The following RNF180 variants were observed in gnomAD, a reference collection of about 807,000 sequenced individuals.
RNF180 encodes the protein ring finger protein 180.
In RNF180, 38 loss-of-function variants were observed where a neutral mutation model predicts 59.2. That is an observed-to-expected ratio of 0.64 (90% confidence interval 0.50 to 0.84). RNF180 has a LOEUF of 0.84. Ranked by LOEUF, RNF180 falls within the 40% of genes least tolerant of loss-of-function variation. The probability of loss-of-function intolerance (pLI) is 0.00; values close to 1 mark genes in which losing one functional copy is unlikely to be tolerated. For synonymous variants in RNF180, 262 were observed against 240.3 expected (o/e 1.09, Z -0.84); for missense variants, 705 against 700.9 (o/e 1.01, Z -0.07).
intron 7 of RNF180, among the ~76,000 whole-genome samples, chr5:64,342,128 C>G (rs1477459208): frequency 6.6e-6 from 1 of 152,080 alleles, no homozygotes; most frequent in Non-Finnish European, 1.5e-5. Context: ...GTGGGAATTT[C>G]TGCTTCTGAG....
intron 1 of RNF180, among the ~76,000 whole-genome samples, chr5:64,177,692 CTT>C (rs1750332639): frequency 6.6e-6 from 1 of 151,682 alleles, no homozygotes; most frequent in Non-Finnish European, 1.5e-5. Context: ...TAAAGCATAA[CTT>C]AGTAATGTTA....
chr5:64,329,761 A>G (rs1744815202), intron 6 of RNF180, among the ~76,000 whole-genome samples: 4 of 152,168 alleles, frequency 2.6e-5, no homozygotes, highest in Admixed American at 2.6e-4. Context: ...TCTTACAAGG[A>G]GTGTGCAACC....
chr5:64,286,237 T>C (rs1030087787), intron 5 of RNF180, among the ~76,000 whole-genome samples: 1 of 152,220 alleles, frequency 6.6e-6, no homozygotes, highest in Non-Finnish European at 1.5e-5. Context: ...TAAGGAAACA[T>C]CATTTATTTG....
chr5:64,168,830 T>C (rs1284740286), intron 1 of RNF180, among the ~76,000 whole-genome samples: 2 of 152,052 alleles, frequency 1.3e-5, no homozygotes, highest in Non-Finnish European at 2.9e-5. Context: ...AAAGAAAAAA[T>C]TTCGACAAAT....
chr5:64,190,977 T>A (rs1751120547), intron 1 of RNF180, among the ~76,000 whole-genome samples: 1 of 152,232 alleles, frequency 6.6e-6, no homozygotes, highest in Non-Finnish European at 1.5e-5. Flanking sequence ...TAACTTTTTT[T>A]ACATTTAGAA....
At chr5:64,207,768 G>C (rs1451776655) in intron 2 of RNF180, among the ~76,000 whole-genome samples, 1 of 152,006 alleles carries the variant, frequency 6.6e-6, no homozygotes, top group African/African-American at 2.4e-5. Context: ...AGTACAAATA[G>C]ACAAACTAGG....
At chr5:64,174,633 C>T (rs1487899340) in intron 1 of RNF180, among the ~76,000 whole-genome samples, 1 of 152,116 alleles carries the variant, frequency 6.6e-6, no homozygotes, top group African/African-American at 2.4e-5. Flanking sequence ...CTATTCAGGT[C>T]TTTTGCCCAT....
intron 7 of RNF180, among the ~76,000 whole-genome samples, chr5:64,365,732 G>T (rs1159949454): frequency 6.6e-6 from 1 of 151,606 alleles, no homozygotes; most frequent in African/African-American, 2.4e-5. Flanking sequence ...GTTATGTAAT[G>T]CCCCTCTTTG....
In RNF180 at chr5:64,214,083, A is replaced by C; in HGVS notation, c.757A>C (p.Thr253Pro). The change falls in exon 4 of 8, where the codon ACT becomes CCT. Residue 253 changes from threonine to proline, a missense_variant. Physicochemically the swap from Thr to Pro is conservative, Grantham distance 38 (BLOSUM62 -1). Coordinates refer to ENST00000389100, the MANE Select transcript of RNF180 (RefSeq NM_001113561.2). ...PTLYEIHSKT[T>P]AYSRLNETQP... ...TTTATATGAAATACATAGTAAGACT[A>C]CTGCCTATTCCAGACTAAATGAAAC... 1 of 1,613,982 alleles carries C rather than the reference A, an allele frequency of 6.2e-7. No individual in the cohort carries two copies. Among genetic ancestry groups the C allele is most frequent in the Non-Finnish European group, 8.5e-7 (1 of 1,179,862 alleles).
intron 5 of RNF180, among the ~76,000 whole-genome samples, chr5:64,240,987 G>C (rs569532182): frequency 3.1e-4 from 47 of 152,158 alleles, no homozygotes; most frequent in Middle Eastern, 3.4e-3. Flanking sequence ...AAGGTGTTTT[G>C]GGTTGTATTT....
intron 5 of RNF180, among the ~76,000 whole-genome samples, chr5:64,284,868 G>A (rs1224087455): frequency 2.0e-5 from 3 of 152,218 alleles, no homozygotes; most frequent in Admixed American, 6.5e-5. Flanking sequence ...GGAAACTAGT[G>A]CAGTCATTTG....
At chr5:64,250,193 A>G (rs1005553761) in intron 5 of RNF180, among the ~76,000 whole-genome samples, 2 of 152,178 alleles carry the variant, frequency 1.3e-5, no homozygotes, top group African/African-American at 2.4e-5. Context: ...CATGGAAGTT[A>G]AACAATGTGC....
At chr5:64,201,363 A>G (rs1198272595) in intron 2 of RNF180, among the ~76,000 whole-genome samples, 5 of 152,196 alleles carry the variant, frequency 3.3e-5, no homozygotes, top group Non-Finnish European at 5.9e-5. Context: ...AAGAAAGTTT[A>G]TGTGTTAATA....
At chr5:64,347,980 A>AT in intron 7 of RNF180, among the ~76,000 whole-genome samples, 1 of 152,248 alleles carries the variant, frequency 6.6e-6, no homozygotes, top group Non-Finnish European at 1.5e-5. Context: ...AGATACCACT[A>AT]TTTTGTGAAC....
At chr5:64,215,187 C>A (rs1031477842) in intron 4 of RNF180, among the ~76,000 whole-genome samples, 3 of 151,908 alleles carry the variant, frequency 2.0e-5, no homozygotes, top group African/African-American at 7.2e-5. Flanking sequence ...GGAAAGAAAG[C>A]AATTAAAGCC....
chr5:64,325,511 C>T, intron 6 of RNF180, 100 bp downstream of exon 6: 1 of 852,312 alleles, frequency 1.2e-6, no homozygotes. Flanking sequence ...ATCACATATA[C>T]CATAATTTGT....
At chr5:64,259,813 C>A (rs906558684) in intron 5 of RNF180, among the ~76,000 whole-genome samples, 1 of 151,822 alleles carries the variant, frequency 6.6e-6, no homozygotes, top group Non-Finnish European at 1.5e-5. Flanking sequence ...CCCAGCTACT[C>A]GGGAGGCTGA....
chr5:64,331,969 CCA>C (rs1433301202), intron 7 of RNF180, among the ~76,000 whole-genome samples: 1 of 152,124 alleles, frequency 6.6e-6, no homozygotes, highest in East Asian at 1.9e-4. Flanking sequence ...CCAGCCACAG[CCA>C]CACACAGAGC....
chr5:64,251,562 A>G (rs1028682330), intron 5 of RNF180, among the ~76,000 whole-genome samples: 1 of 152,164 alleles, frequency 6.6e-6, no homozygotes, highest in Non-Finnish European at 1.5e-5. Context: ...GGGTAGGACT[A>G]CAAGCATGTA....
Sources: gnomAD v4.1 joint callset for allele counts (sites outside exome capture counted in the v4.1 genomes callset) on GRCh38, gnomAD v4.1.1 for gene constraint, MANE v1.5 for transcripts, NCBI Gene and HGNC (gene_info 2026-07-23, HGNC 2026-07-21) for gene names.